The following USH1C variants were observed in gnomAD, a reference collection of about 807,000 sequenced individuals.
USH1C encodes the protein harmonin.
In USH1C, 90 loss-of-function variants were observed where a neutral mutation model predicts 119.3. The ratio of observed to expected loss-of-function variants is 0.75; its 90% CI spans 0.64 to 0.90. The LOEUF is 0.90. Ranked by LOEUF, USH1C falls within the 40% of genes least tolerant of loss-of-function variation. USH1C has a pLI of 0.00. For missense variants in USH1C, 1,165 were observed against 1,167.7 expected, an observed-to-expected ratio of 1.00 and a Z score of 0.03; for synonymous variants, 465 against 443.3, an observed-to-expected ratio of 1.05 and a Z score of -0.62.
chr11:17,517,011 G>C (rs1196605724), intron 14 of USH1C, among the ~76,000 whole-genome samples: 1 of 152,142 alleles, frequency 6.6e-6, no homozygotes, highest in Non-Finnish European at 1.5e-5. Context: ...TACCCACCCC[G>C]GACCAGCCTG....
At chr11:17,501,446 G>A in intron 22 of USH1C, 36 bp downstream of exon 22, 1 of 1,605,870 alleles carries the variant, frequency 6.2e-7, no homozygotes, top group Non-Finnish European at 8.5e-7. Flanking sequence ...GCACAGAGAG[G>A]GATGGCGGCC....
At chr11:17,514,235 T>C (rs1850032010) in intron 15 of USH1C, among the ~76,000 whole-genome samples, 1 of 152,226 alleles carries the variant, frequency 6.6e-6, no homozygotes, top group African/African-American at 2.4e-5. Flanking sequence ...TATTATTTTC[T>C]TGAGACAGGG....
Position 17,495,678 on chromosome 11 carries a change from C to T in USH1C, c.2547-1G>A. On this transcript the variant is annotated splice_acceptor_variant, in intron 25 of 26. Coordinates refer to ENST00000005226, the MANE Select transcript of USH1C (RefSeq NM_153676.4). LOFTEE classifies it high-confidence loss of function. ...AGCTACGGAGGAGGGAAGAGAAGCT[C>T]TATATATACAGAGCAGAGCAAGAAA... 3 of 1,614,074 alleles carry T rather than the reference C, an allele frequency of 1.9e-6. No homozygotes were observed. Among genetic ancestry groups the T allele is most frequent in the Non-Finnish European group, 2.5e-6 (3 of 1,179,972 alleles).
intron 26 of USH1C, chr11:17,494,617 G>T: frequency 1.7e-6 from 1 of 591,980 alleles, no homozygotes; most frequent in South Asian, 1.9e-5. Flanking sequence ...GAGACTGGGA[G>T]GAACAGGGGC....
chr11:17,521,026 G>A (rs1473577163), intron 13 of USH1C, 32 bp from the exon 14 acceptor site: 1 of 1,613,474 alleles, frequency 6.2e-7, no homozygotes, highest in African/African-American at 1.3e-5. Context: ...TGTTACTGGA[G>A]TCAGAACCCC....
intron 8 of USH1C, 72 bp from the exon 9 acceptor site, chr11:17,524,607 A>T (rs1057323842): frequency 5.5e-5 from 83 of 1,514,474 alleles, no homozygotes; most frequent in Non-Finnish European, 7.0e-5. Context: ...CAGGTCACTC[A>T]TGAGCTGAGG....
chr11:17,497,370 G>A (rs1849284491), intron 24 of USH1C, among the ~76,000 whole-genome samples: 1 of 152,092 alleles, frequency 6.6e-6, no homozygotes, highest in South Asian at 2.1e-4. Context: ...CCATGAGCTG[G>A]TTCCTAATAT....
intron 25 of USH1C, among the ~76,000 whole-genome samples, chr11:17,495,978 A>G (rs990232680): frequency 6.6e-6 from 1 of 152,066 alleles, no homozygotes; most frequent in African/African-American, 2.4e-5. Context: ...TGGAGGTGAG[A>G]CACCACACAG....
At chr11:17,522,969 C>A (rs201477351) in intron 11 of USH1C, 43 bp from the exon 12 acceptor site, 1 of 1,599,556 alleles carries the variant, frequency 6.3e-7, no homozygotes, top group South Asian at 1.1e-5. Flanking sequence ...CCCGGGGAAC[C>A]TGGGGATCCC....
At chr11:17,496,418 C>T (rs1358506623) in intron 25 of USH1C, among the ~76,000 whole-genome samples, 2 of 152,206 alleles carry the variant, frequency 1.3e-5, no homozygotes, top group African/African-American at 4.8e-5. Flanking sequence ...CACCTTCTAA[C>T]CATCTAATAA....
intron 16 of USH1C, 52 bp downstream of exon 16, chr11:17,511,850 G>C: frequency 1.9e-6 from 3 of 1,580,622 alleles, no homozygotes; most frequent in South Asian, 1.2e-5. Context: ...CATGGAGAAC[G>C]ACCACATTGT....
intron 1 of USH1C, among the ~76,000 whole-genome samples, chr11:17,539,876 A>C (rs1851387122): frequency 7.1e-6 from 1 of 141,096 alleles, no homozygotes; most frequent in African/African-American, 2.7e-5. Flanking sequence ...TCTGTCACCC[A>C]AGCTGGAGTG....
chr11:17,533,351 T>A, intron 1 of USH1C, 29 bp from the exon 2 acceptor site: 2 of 1,530,010 alleles, frequency 1.3e-6, no homozygotes, highest in Non-Finnish European at 1.8e-6. Context: ...GAATCACAGC[T>A]CCAGGCTCAG....
intron 1 of USH1C, among the ~76,000 whole-genome samples, chr11:17,534,383 G>A (rs932717268): frequency 5.3e-5 from 8 of 152,240 alleles, no homozygotes; most frequent in African/African-American, 9.6e-5. Context: ...TTTCTGGCCT[G>A]AGCAGGGGGT....
chr11:17,519,287 A>G (rs1850305919), intron 14 of USH1C, among the ~76,000 whole-genome samples: 1 of 152,226 alleles, frequency 6.6e-6, no homozygotes, highest in Non-Finnish European at 1.5e-5. Flanking sequence ...AGAGACAGAT[A>G]GAGGCAGCAG....
chr11:17,501,376 G>T, intron 22 of USH1C, 106 bp downstream of exon 22: 1 of 1,370,388 alleles, frequency 7.3e-7, no homozygotes. Flanking sequence ...GTGGGGACCT[G>T]AGAGACCACC....
chr11:17,542,322 G>A (rs903089666), intron 1 of USH1C, among the ~76,000 whole-genome samples: 1 of 152,250 alleles, frequency 6.6e-6, no homozygotes, highest in African/African-American at 2.4e-5. Context: ...ATGTCTGTGT[G>A]CCTCCTTTCT....
In USH1C at chr11:17,494,048, A is replaced by G; in HGVS notation, c.*284T>C. ...AGGGTTCAAGGAAGGAGTCCCCCAG[A>G]GCTGGGAGAGACCAAATTCACTGGG... On this transcript the variant is annotated 3_prime_UTR_variant, in exon 27 of 27. Coordinates refer to ENST00000005226, the MANE Select transcript of USH1C (RefSeq NM_153676.4). 1 of 508,582 alleles carries G rather than the reference A, an allele frequency of 2.0e-6. No homozygotes were observed. Among genetic ancestry groups the G allele is most frequent in the South Asian group, 2.1e-5 (1 of 48,280 alleles). 31.5% of individuals were successfully genotyped at this position (508,582 alleles called of 1,614,324 possible).
chr11:17,516,163 G>T, intron 15 of USH1C, 78 bp downstream of exon 15: 1 of 1,499,712 alleles, frequency 6.7e-7, no homozygotes, highest in Non-Finnish European at 9.2e-7. Flanking sequence ...GTGTTGATAG[G>T]ACAAGGAATG....
Sources: allele counts gnomAD v4.1 joint callset (sites outside exome capture counted in the v4.1 genomes callset), GRCh38; gene constraint gnomAD v4.1.1; transcripts MANE v1.5; gene names NCBI Gene and HGNC (gene_info 2026-07-23, HGNC 2026-07-21).